Variants in EFCAB14 observed in about 807,000 individuals in gnomAD.
The protein encoded by EFCAB14 is EF-hand calcium-binding domain-containing protein 14.
EFCAB14 carries 43 observed loss-of-function variants against 56.5 expected under a neutral mutation model. That is an observed-to-expected ratio of 0.76 (90% confidence interval 0.60 to 0.98). The LOEUF is 0.98. Ranked by LOEUF, EFCAB14 falls within the 50% of genes least tolerant of loss-of-function variation. The pLI, the probability that EFCAB14 is intolerant of heterozygous loss-of-function variation, is 0.00. For missense variants in EFCAB14, 538 were observed against 580.3 expected (o/e 0.93, Z 0.75); for synonymous variants, 235 against 212.9 (o/e 1.10, Z -0.90).
chr1:46,696,330 G>A (rs1206759006), intron 4 of EFCAB14, among the ~76,000 whole-genome samples: 1 of 152,058 alleles, frequency 6.6e-6, no homozygotes, highest in Non-Finnish European at 1.5e-5. Context: ...TCACAGCTGA[G>A]GTAACCTGTT....
intron 3 of EFCAB14, among the ~76,000 whole-genome samples, chr1:46,702,668 G>A (rs1398236591): frequency 3.9e-5 from 6 of 152,020 alleles, no homozygotes; most frequent in East Asian, 1.9e-4. Context: ...GGCAGTTATC[G>A]TCAATACCAT....
At position 46,691,841 on chromosome 1, in the gene EFCAB14, G is replaced by GT; in HGVS notation, c.675dup (p.Leu226ThrfsTer4). On this transcript the variant is annotated frameshift_variant, in exon 5 of 11. Transcript: ENST00000371933. LOFTEE classifies it high-confidence loss of function. Reference sequence around the variant, plus strand: ...GGTCTCCTTACCATATCACTCTGCAGTAATTCCATCGTTTTCTTGTGTTCA... The same window carrying GT: ...GGTCTCCTTACCATATCACTCTGCAGTTAATTCCATCGTTTTCTTGTGTTCA... 1.2e-6 allele frequency: 2 copies of GT among 1,613,222 alleles called. No individual in the cohort carries two copies. Among genetic ancestry groups the GT allele is most frequent in the Non-Finnish European group, 1.7e-6 (2 of 1,179,496 alleles).
chr1:46,711,371 A>G (rs188049840), intron 2 of EFCAB14, among the ~76,000 whole-genome samples: 325 of 152,354 alleles, frequency 2.1e-3, no homozygotes, highest in African/African-American at 7.6e-3. Flanking sequence ...CCTGCAGTCT[A>G]TACGCATGAA....
chr1:46,694,296 A>G (rs1284197427), intron 4 of EFCAB14, among the ~76,000 whole-genome samples: 1 of 152,248 alleles, frequency 6.6e-6, no homozygotes, highest in Non-Finnish European at 1.5e-5. Flanking sequence ...CAGGCAACCT[A>G]CAGAATGGAA....
chr1:46,710,456 C>T (rs1447332058), intron 2 of EFCAB14, among the ~76,000 whole-genome samples: 1 of 152,198 alleles, frequency 6.6e-6, no homozygotes, highest in East Asian at 1.9e-4. Flanking sequence ...AATTTTTCAT[C>T]CTTTAACCAA....
At chr1:46,686,988 C>A (rs1676893658) in intron 7 of EFCAB14, 118 bp from the exon 8 acceptor site, 20 of 914,802 alleles carry the variant, frequency 2.2e-5, no homozygotes, top group Non-Finnish European at 3.4e-5. Flanking sequence ...TCTCAGAACA[C>A]TCTCAACAGA....
intron 8 of EFCAB14, chr1:46,686,537 C>T: frequency 2.0e-6 from 1 of 497,362 alleles, no homozygotes; most frequent in Non-Finnish European, 3.6e-6. Flanking sequence ...AGCTCCACCA[C>T]AATAGGGGTC....
At chr1:46,715,223 C>G (rs368977731) in intron 2 of EFCAB14, among the ~76,000 whole-genome samples, 4 of 152,082 alleles carry the variant, frequency 2.6e-5, no homozygotes, top group African/African-American at 9.7e-5. Context: ...AAGTTGATAT[C>G]AAAGAGATCT....
intron 3 of EFCAB14, among the ~76,000 whole-genome samples, chr1:46,702,778 T>C (rs1289026646): frequency 1.3e-5 from 2 of 152,190 alleles, no homozygotes; most frequent in Admixed American, 6.5e-5. Flanking sequence ...TATATGCAAA[T>C]AAGCATCACA....
intron 1 of EFCAB14, 125 bp downstream of exon 1, chr1:46,717,778 C>T (rs980588691): frequency 4.9e-6 from 5 of 1,027,228 alleles, no homozygotes; most frequent in Admixed American, 5.7e-5. Flanking sequence ...GTTTTTCCCT[C>T]TTTGACTTCC....
chr1:46,699,947 G>T (rs796879805), intron 3 of EFCAB14, among the ~76,000 whole-genome samples: 4 of 152,162 alleles, frequency 2.6e-5, no homozygotes, highest in Admixed American at 2.6e-4. Flanking sequence ...GAGGACACTC[G>T]AGTAGCCCCA....
chr1:46,680,682 C>T (rs567486539), intron 10 of EFCAB14, among the ~76,000 whole-genome samples: 3 of 152,156 alleles, frequency 2.0e-5, no homozygotes, highest in South Asian at 4.2e-4. Context: ...TGTGAATACA[C>T]TAAAAAACAC....
intron 2 of EFCAB14, among the ~76,000 whole-genome samples, chr1:46,712,312 T>C (rs1677321302): frequency 6.6e-6 from 1 of 152,310 alleles, no homozygotes; most frequent in African/African-American, 2.4e-5. Context: ...TTTCTTTTCA[T>C]TTACTCAAGT....
Position 46,718,194 on chromosome 1 carries a change from G to A in EFCAB14, c.-107C>T, listed in dbSNP as rs1677427852. 1.6e-6 allele frequency: 2 copies of A among 1,238,928 alleles called. No individual in the cohort carries two copies. The highest frequency in any genetic ancestry group is 2.3e-6 in the Non-Finnish European group (2 of 887,884). 76.7% of individuals were successfully genotyped at this position (1,238,928 alleles called of 1,614,324 possible). On this transcript the variant is annotated 5_prime_UTR_variant, in exon 1 of 11. Transcript: ENST00000371933. ...GCTGCCTTCCAGGGTTGGGAATCCT[G>A]GGCCAGAGCCCCCTGGTCACTCCCA... is the stretch of plus-strand genomic sequence containing the variant.
chr1:46,711,074 T>C (rs1395999048), intron 2 of EFCAB14, among the ~76,000 whole-genome samples: 1 of 152,254 alleles, frequency 6.6e-6, no homozygotes, highest in East Asian at 1.9e-4. Context: ...ATATATTGGC[T>C]ATTGTGAATA....
chr1:46,715,466 A>G (rs528847629), intron 2 of EFCAB14, among the ~76,000 whole-genome samples: 3 of 152,208 alleles, frequency 2.0e-5, no homozygotes, highest in Non-Finnish European at 4.4e-5. Context: ...GGCACAGAGT[A>G]GGCCTTCCAC....
intron 3 of EFCAB14, among the ~76,000 whole-genome samples, chr1:46,701,181 A>G (rs1380296960): frequency 1.3e-5 from 2 of 152,366 alleles, no homozygotes; most frequent in East Asian, 3.9e-4. Flanking sequence ...AAGACGCCAC[A>G]TAACTTTGCA....
intron 6 of EFCAB14, among the ~76,000 whole-genome samples, chr1:46,689,179 A>T (rs1385657635): frequency 1.3e-5 from 2 of 152,158 alleles, no homozygotes; most frequent in Admixed American, 6.6e-5. Flanking sequence ...GACTTTAGAA[A>T]ATCCTGATTT....
At chr1:46,694,487 A>G (rs1677048060) in intron 4 of EFCAB14, among the ~76,000 whole-genome samples, 1 of 152,380 alleles carries the variant, frequency 6.6e-6, no homozygotes, top group South Asian at 2.1e-4. Flanking sequence ...AATGCTCATC[A>G]TCACTGGCCA....
Sources: gnomAD v4.1 joint callset for allele counts (sites outside exome capture counted in the v4.1 genomes callset) on GRCh38, gnomAD v4.1.1 for gene constraint, MANE v1.5 for transcripts, NCBI Gene and HGNC (gene_info 2026-07-23, HGNC 2026-07-21) for gene names.